Variants in UBE2H observed in about 807,000 individuals in gnomAD.
UBE2H encodes ubiquitin-conjugating enzyme E2 H.
A neutral mutation model predicts 29.0 loss-of-function variants in UBE2H; 3 were observed. The ratio of observed to expected loss-of-function variants is 0.10; its 90% CI spans 0.05 to 0.27. The LOEUF is 0.27. Among genes scored for constraint, UBE2H ranks in the 10% least tolerant of loss-of-function variants. The pLI is 1.00. For missense variants in UBE2H, 68 were observed against 228.2 expected, an observed-to-expected ratio of 0.30 and a Z score of 4.52; for synonymous variants, 69 against 82.9, an observed-to-expected ratio of 0.83 and a Z score of 0.91.
At chr7:129,868,717 T>G (rs1283653231) in intron 3 of UBE2H, among the ~76,000 whole-genome samples, 1 of 152,052 alleles carries the variant, frequency 6.6e-6, no homozygotes, top group Admixed American at 6.5e-5. Context: ...AACTGTACTA[T>G]TTTTACTCTG....
At chr7:129,892,798 G>A (rs140038340) in intron 1 of UBE2H, among the ~76,000 whole-genome samples, 1 of 151,844 alleles carries the variant, frequency 6.6e-6, no homozygotes, top group East Asian at 1.9e-4. Flanking sequence ...TGTATCTATA[G>A]TAGGCTAGAA....
chr7:129,903,624 T>A (rs1035556385), intron 1 of UBE2H, among the ~76,000 whole-genome samples: 5 of 152,122 alleles, frequency 3.3e-5, no homozygotes, highest in African/African-American at 1.2e-4. Context: ...TATGGCTGCA[T>A]GTGGTGGCTC....
At chr7:129,920,157 G>A (rs959107835) in intron 1 of UBE2H, among the ~76,000 whole-genome samples, 4 of 151,994 alleles carry the variant, frequency 2.6e-5, no homozygotes, top group Non-Finnish European at 5.9e-5. Flanking sequence ...CATTGTATGC[G>A]TAAATATTTT....
rs79315171 is a variant in UBE2H at position 129,835,375 on chromosome 7, C to T, written c.428-314G>A. 6.6e-5 allele frequency among the ~76,000 whole-genome samples: 10 copies of T among 152,268 alleles called. No homozygotes were observed. The East Asian group carries it at 1.7e-3, about 26-fold the overall frequency. On this transcript the variant is annotated intron_variant, in intron 6 of 6. Transcript: ENST00000355621. ...AGGGACCAGGGAAATGGGAGCCCCA[C>T]GCTTTCTTTTTACTTTCATCTCCCA...
At chr7:129,852,389 C>G (rs972811935) in intron 5 of UBE2H, among the ~76,000 whole-genome samples, 10 of 151,992 alleles carry the variant, frequency 6.6e-5, no homozygotes, top group Non-Finnish European at 1.2e-4. Context: ...ATGGCGTGAA[C>G]CCGGGAGGCG....
chr7:129,846,134 C>T (rs1433517673), intron 5 of UBE2H, among the ~76,000 whole-genome samples: 1 of 152,094 alleles, frequency 6.6e-6, no homozygotes, highest in South Asian at 2.1e-4. Flanking sequence ...ATGAATCACA[C>T]ATCTCATGTT....
At chr7:129,893,225 G>A (rs1258129586) in intron 1 of UBE2H, among the ~76,000 whole-genome samples, 4 of 152,112 alleles carry the variant, frequency 2.6e-5, no homozygotes, top group African/African-American at 9.7e-5. Context: ...CTAGTGTTAT[G>A]CTTCATTTAG....
chr7:129,858,951 G>C lies in UBE2H; in HGVS notation c.206-10C>G. The C allele has an allele frequency of 6.2e-7, 1 of 1,607,924 alleles. No homozygotes were observed. Among genetic ancestry groups the C allele is most frequent in the South Asian group, 1.1e-5 (1 of 90,606 alleles). On this transcript the variant is annotated splice_polypyrimidine_tract_variant and intron_variant, in intron 3 of 6. Coordinates refer to ENST00000355621, the MANE Select transcript of UBE2H (RefSeq NM_003344.4). The stretch of plus-strand genomic sequence containing the variant: ...ATTTTATTCATGAATCCTGTAAAAA[G>C]AGATGTTAATTAGCAGCAAAAAGTA...
intron 1 of UBE2H, among the ~76,000 whole-genome samples, chr7:129,925,115 C>T (rs1046371995): frequency 6.6e-6 from 1 of 151,978 alleles, no homozygotes; most frequent in African/African-American, 2.4e-5. Context: ...TTTGGGAGGC[C>T]AAGGTGGGTG....
At chr7:129,858,345 GAC>G (rs948380105) in intron 4 of UBE2H, among the ~76,000 whole-genome samples, 31 of 152,284 alleles carry the variant, frequency 2.0e-4, no homozygotes, top group Middle Eastern at 6.8e-3. Flanking sequence ...GTTTGTGAGA[GAC>G]AGTAAAACTT....
rs767475614 is a variant in UBE2H at position 129,944,846 on chromosome 7, T to C, written c.53+7657A>G. ...ATCCATACAATGTTCATAGCAACTT[T>C]ACTGGTAATAGCCCAAAACTGGAAA... On this transcript the variant is annotated intron_variant, in intron 1 of 6. Transcript: ENST00000355621. 2.8e-4 allele frequency among the ~76,000 whole-genome samples: 42 copies of C among 152,264 alleles called. 1 individual carries two copies. The highest frequency in any genetic ancestry group is 1.0e-3 in the South Asian group (5 of 4,834).
At chr7:129,852,458 C>T (rs1805628397) in intron 5 of UBE2H, among the ~76,000 whole-genome samples, 1 of 144,836 alleles carries the variant, frequency 6.9e-6, no homozygotes, top group Non-Finnish European at 1.5e-5. Context: ...CAGAGCGAGA[C>T]TCCGTCTCAA....
chr7:129,917,590 T>C (rs139861595), intron 1 of UBE2H, among the ~76,000 whole-genome samples: 1 of 152,198 alleles, frequency 6.6e-6, no homozygotes, highest in Non-Finnish European at 1.5e-5. Flanking sequence ...TCTGTCTAGT[T>C]CTTTTCATCT....
chr7:129,938,028 A>C (rs924316712), intron 1 of UBE2H, among the ~76,000 whole-genome samples: 1 of 152,186 alleles, frequency 6.6e-6, no homozygotes, highest in Admixed American at 6.5e-5. Flanking sequence ...TCAGCCACCA[A>C]GATAAAAGGC....
intron 1 of UBE2H, among the ~76,000 whole-genome samples, chr7:129,914,608 T>C (rs1807006978): frequency 6.6e-6 from 1 of 152,208 alleles, no homozygotes; most frequent in African/African-American, 2.4e-5. Context: ...ACATAAGCTT[T>C]CACTTCAAAC....
chr7:129,900,683 A>G lies in UBE2H; in HGVS notation c.54-19712T>C, dbSNP rs139588701. Among the ~76,000 whole-genome samples, 693 of 152,046 alleles carry G rather than the reference A, an allele frequency of 4.6e-3. 7 individuals are homozygous for G. The highest frequency in any genetic ancestry group is 0.016 in the African/African-American group (660 of 41,464). On this transcript the variant is annotated intron_variant, in intron 1 of 6. Transcript: ENST00000355621. Reference sequence around the variant, plus strand: ...TGTGCACATTGTGCAGGTTAGTTACATACGTATACATGTAAATATTATTCA... The same window carrying G: ...TGTGCACATTGTGCAGGTTAGTTACGTACGTATACATGTAAATATTATTCA...
Position 129,952,744 on chromosome 7 carries a change from G to C in UBE2H, c.-189C>G. 2.0e-6 allele frequency: 1 copy of C among 506,316 alleles called. No individual in the cohort carries two copies. Among genetic ancestry groups the C allele is most frequent in the Non-Finnish European group, 3.0e-6 (1 of 331,556 alleles). 31.4% of individuals were successfully genotyped at this position (506,316 alleles called of 1,614,324 possible). ...CACCGGGCACTGTCCGGCCGGGTGGGGGTGGGGACCCTGCGGCGCCCGGCT... is the reference window on the plus strand; with the variant it reads ...CACCGGGCACTGTCCGGCCGGGTGGCGGTGGGGACCCTGCGGCGCCCGGCT... On this transcript the variant is annotated 5_prime_UTR_variant, in exon 1 of 7. Coordinates refer to ENST00000355621, the MANE Select transcript of UBE2H (RefSeq NM_003344.4).
chr7:129,940,903 CA>C (rs1208730149), intron 1 of UBE2H, among the ~76,000 whole-genome samples: 1 of 152,194 alleles, frequency 6.6e-6, no homozygotes, highest in African/African-American at 2.4e-5. Context: ...ACTGTGTTTT[CA>C]AAAGTTTCTA....
At chr7:129,943,313 T>C (rs1421479282) in intron 1 of UBE2H, among the ~76,000 whole-genome samples, 1 of 152,222 alleles carries the variant, frequency 6.6e-6, no homozygotes, top group African/African-American at 2.4e-5. Flanking sequence ...GGATTACAAG[T>C]GCATGCCACC....
Sources: gnomAD v4.1 joint callset for allele counts (sites outside exome capture counted in the v4.1 genomes callset) on GRCh38, gnomAD v4.1.1 for gene constraint, MANE v1.5 for transcripts, NCBI Gene and HGNC (gene_info 2026-07-23, HGNC 2026-07-21) for gene names.